Variants in FMN1 observed in about 807,000 individuals in gnomAD.
The protein encoded by FMN1 is formin-1.
Under a neutral mutation model 132.4 loss-of-function variants are expected in FMN1, and 110 were observed. The ratio of observed to expected loss-of-function variants is 0.83; its 90% CI spans 0.71 to 0.97. FMN1 has a LOEUF of 0.97. Ranked by LOEUF, FMN1 falls within the 50% of genes least tolerant of loss-of-function variation. FMN1 has a pLI of 0.00. For synonymous variants in FMN1, 722 were observed against 651.7 expected (o/e 1.11, Z -1.64); for missense variants, 1,792 against 1,705.3 (o/e 1.05, Z -0.90).
intron 17 of FMN1, among the ~76,000 whole-genome samples, chr15:32,804,616 G>A (rs12898616): frequency 0.2 from 29,862 of 150,676 alleles, 3,856 homozygotes; most frequent in Admixed American, 0.28. Flanking sequence ...TGCACCCATC[G>A]ACTCGTCATT....
Position 32,945,711 on chromosome 15 carries a change from T to C in FMN1, c.3138+18396A>G, listed in dbSNP as rs73372913. ...CAGAAATGATGGATGGCCTTTGATT[T>C]AGAGGGTATCCACGATGCAAATTAC... On this transcript the variant is annotated intron_variant, in intron 9 of 20. Coordinates refer to ENST00000616417, the MANE Select transcript of FMN1 (RefSeq NM_001277313.2). Among the ~76,000 whole-genome samples, 713 of 152,296 alleles carry C rather than the reference T, an allele frequency of 4.7e-3. 7 individuals are homozygous for C. The highest frequency in any genetic ancestry group is 0.017 in the African/African-American group (691 of 41,554).
In FMN1 at chr15:32,902,018, T is replaced by A; in HGVS notation, c.3400A>T (p.Ile1134Phe). 6.2e-7 allele frequency: 1 copy of A among 1,612,878 alleles called. No individual in the cohort carries two copies. The highest frequency in any genetic ancestry group is 1.1e-5 in the South Asian group (1 of 90,814). ...TGGGCACGTTCAGCAAAATTAGGAA[T>A]CTGGGCTAACTCATGTAAAAATCTG... ...PEQFLHELAQ[I>F]PNFAERAQCI... The change falls in exon 13 of 21, where the codon ATT (isoleucine) becomes TTT (phenylalanine). Residue 1134 changes from isoleucine to phenylalanine, a missense_variant. By Grantham distance (21) the Ile-to-Phe change is conservative. This residue lies in a region of FMN1 where 1,150 missense variants were observed against 1,043.1 expected (regional missense o/e 1.10). Coordinates refer to ENST00000616417, the MANE Select transcript of FMN1 (RefSeq NM_001277313.2).
rs60737133 is a variant in FMN1 at position 32,883,509 on chromosome 15, C to CAAAAAAAAAAAAAA, written c.3835+4649_3835+4662dup. 3.9e-4 allele frequency among the ~76,000 whole-genome samples: 10 copies of CAAAAAAAAAAAAAA among 25,920 alleles called. 1 individual carries two copies. The highest frequency in any genetic ancestry group is 5.3e-4 in the African/African-American group (4 of 7,494). The allele number at this position is 25,920 out of a possible 152,430, so 17.0% of individuals were successfully genotyped here. A position where few individuals can be genotyped will look rare whatever the true frequency, so the allele number is the denominator to read the frequency against. ...TGGGCAATAGAGCAAGAACCTATCTCAAAAAAAAAAAAAAAAAAAAAAAAA... is the reference window on the plus strand; with the variant it reads ...TGGGCAATAGAGCAAGAACCTATCTCAAAAAAAAAAAAAAAAAAAAAAAAAAAAAAAAAAAAAAA... On this transcript the variant is annotated intron_variant, in intron 16 of 20. Transcript: ENST00000616417.
chr15:32,785,220 T>A (rs369473584), intron 19 of FMN1, among the ~76,000 whole-genome samples: 2,199 of 25,642 alleles, frequency 0.086, 283 homozygotes, highest in Middle Eastern at 0.15. Context: ...ATATATATAT[T>A]TTTTTTTTTT....
chr15:32,908,731 T>C (rs1317761854), intron 11 of FMN1, among the ~76,000 whole-genome samples, 153 bp from the exon 12 acceptor site: 1 of 151,716 alleles, frequency 6.6e-6, no homozygotes, highest in African/African-American at 2.4e-5. Flanking sequence ...ATGCAAATTA[T>C]TGGCCCACCC....
At chr15:33,086,952 C>T (rs1246680757) in intron 5 of FMN1, among the ~76,000 whole-genome samples, 2 of 152,194 alleles carry the variant, frequency 1.3e-5, no homozygotes, top group Admixed American at 1.3e-4. Context: ...GTGAACATCA[C>T]AGACTTAACC....
At chr15:33,013,628 GT>G (rs1376215867) in intron 6 of FMN1, among the ~76,000 whole-genome samples, 11 of 152,066 alleles carry the variant, frequency 7.2e-5, no homozygotes, top group Non-Finnish European at 1.3e-4. Context: ...TTGAAAACTG[GT>G]TACATTCGTT....
At chr15:33,111,120 A>G (rs1025450394) in intron 4 of FMN1, among the ~76,000 whole-genome samples, 1 of 152,068 alleles carries the variant, frequency 6.6e-6, no homozygotes, top group Non-Finnish European at 1.5e-5. Flanking sequence ...CTATGAGATG[A>G]TTCATTTGTG....
intron 19 of FMN1, among the ~76,000 whole-genome samples, chr15:32,795,743 C>A (rs1447933660): frequency 6.6e-6 from 1 of 152,132 alleles, no homozygotes; most frequent in African/African-American, 2.4e-5. Flanking sequence ...ATACCAGGGG[C>A]AGCACGATGA....
chr15:32,856,087 A>G (rs2059125442), intron 17 of FMN1, among the ~76,000 whole-genome samples: 2 of 152,198 alleles, frequency 1.3e-5, no homozygotes, highest in African/African-American at 4.8e-5. Context: ...CCTCTGACTC[A>G]TAGACTGAGA....
chr15:33,119,248 C>CCTT (rs2140163954), intron 4 of FMN1, among the ~76,000 whole-genome samples: 2 of 152,284 alleles, frequency 1.3e-5, no homozygotes, highest in South Asian at 4.1e-4. Context: ...TTCAAGCTTA[C>CCTT]CTTCCTCTGG....
At chr15:33,016,756 T>C (rs963055561) in intron 6 of FMN1, among the ~76,000 whole-genome samples, 7 of 152,190 alleles carry the variant, frequency 4.6e-5, no homozygotes, top group Non-Finnish European at 2.9e-5. Context: ...TTTTTAAGCC[T>C]CACCCCTCCT....
At chr15:33,057,988 G>C (rs2037301178) in intron 6 of FMN1, among the ~76,000 whole-genome samples, 1 of 151,966 alleles carries the variant, frequency 6.6e-6, no homozygotes, top group Non-Finnish European at 1.5e-5. Flanking sequence ...AAGTATGATG[G>C]GGCTGGTGGT....
intron 9 of FMN1, among the ~76,000 whole-genome samples, chr15:32,928,551 C>G (rs1311256657): frequency 6.6e-6 from 1 of 152,108 alleles, no homozygotes; most frequent in Non-Finnish European, 1.5e-5. Flanking sequence ...TGAGACAGAT[C>G]AAGTCGTAAG....
chr15:32,958,380 A>T (rs1259158172), intron 9 of FMN1, among the ~76,000 whole-genome samples: 3 of 152,216 alleles, frequency 2.0e-5, no homozygotes, highest in Non-Finnish European at 4.4e-5. Context: ...GTTCATCATC[A>T]TCAATGTCTT....
chr15:32,937,162 T>A (rs1327267083), intron 9 of FMN1, among the ~76,000 whole-genome samples: 1 of 152,190 alleles, frequency 6.6e-6, no homozygotes, highest in East Asian at 1.9e-4. Flanking sequence ...CTAATTCATA[T>A]CATCATCTTT....
intron 9 of FMN1, among the ~76,000 whole-genome samples, chr15:32,950,936 T>C (rs1240765120): frequency 6.6e-6 from 1 of 152,204 alleles, no homozygotes; most frequent in Non-Finnish European, 1.5e-5. Flanking sequence ...GTGATCTGTA[T>C]GAAAAATTCC....
chr15:33,134,996 C>T (rs966624952), intron 4 of FMN1, among the ~76,000 whole-genome samples: 4 of 152,074 alleles, frequency 2.6e-5, no homozygotes, highest in African/African-American at 4.8e-5. Flanking sequence ...AGTGAGACTC[C>T]GTCTCAAAAA....
chr15:33,136,390 G>A (rs996820910), intron 4 of FMN1, among the ~76,000 whole-genome samples: 14 of 152,208 alleles, frequency 9.2e-5, no homozygotes, highest in East Asian at 1.9e-4. Flanking sequence ...GTCTACCCAC[G>A]TAGACAAGAA....
Sources: allele counts gnomAD v4.1 joint callset (sites outside exome capture counted in the v4.1 genomes callset), GRCh38; gene constraint gnomAD v4.1.1; regional missense constraint gnomAD v4.1.1; transcripts MANE v1.5; gene names NCBI Gene and HGNC (gene_info 2026-07-23, HGNC 2026-07-21).